The following SHOC2 variants were observed in gnomAD, a reference collection of about 807,000 sequenced individuals.
The protein encoded by SHOC2 is SHOC2 leucine rich repeat scaffold protein.
In SHOC2, 4 loss-of-function variants were observed where a neutral mutation model predicts 50.2. The ratio of observed to expected loss-of-function variants is 0.08; its 90% CI spans 0.04 to 0.18. The LOEUF is 0.18. Ranked by LOEUF, SHOC2 falls within the 10% of genes least tolerant of loss-of-function variation. The pLI is 1.00. For synonymous variants in SHOC2, 218 were observed against 244.5 expected, an observed-to-expected ratio of 0.89 and a Z score of 1.01; for missense variants, 388 against 669.6, an observed-to-expected ratio of 0.58 and a Z score of 4.64.
intron 3 of SHOC2, among the ~76,000 whole-genome samples, chr10:110,999,984 T>G (rs1442033316): frequency 1.3e-5 from 2 of 152,146 alleles, no homozygotes; most frequent in Non-Finnish European, 2.9e-5. Flanking sequence ...TTTAGAAATT[T>G]GGAAATTTCT....
At chr10:110,999,204 A>G (rs1274982062) in intron 3 of SHOC2, among the ~76,000 whole-genome samples, 1 of 152,232 alleles carries the variant, frequency 6.6e-6, no homozygotes, top group South Asian at 2.1e-4. Flanking sequence ...GGCCCATCCA[A>G]GTATCTCATA....
chr10:110,978,135 A>G (rs1847909578), intron 2 of SHOC2, among the ~76,000 whole-genome samples: 1 of 152,214 alleles, frequency 6.6e-6, no homozygotes, highest in Non-Finnish European at 1.5e-5. Flanking sequence ...ACCTGCCTCC[A>G]GGCAGTAACC....
intron 1 of SHOC2, among the ~76,000 whole-genome samples, chr10:110,921,651 A>T (rs1256681471): frequency 6.6e-6 from 1 of 152,186 alleles, no homozygotes; most frequent in African/African-American, 2.4e-5. Flanking sequence ...GTATCCCATC[A>T]TCTCAAGCAT....
At chr10:110,936,391 C>T (rs1361912934) in intron 1 of SHOC2, among the ~76,000 whole-genome samples, 1 of 152,016 alleles carries the variant, frequency 6.6e-6, no homozygotes, top group African/African-American at 2.4e-5. Context: ...GCGTGAGCCA[C>T]CGCACCCAGC....
intron 1 of SHOC2, among the ~76,000 whole-genome samples, chr10:110,962,469 C>CT (rs940367928): frequency 6.4e-4 from 96 of 151,080 alleles, no homozygotes; most frequent in Non-Finnish European, 1.1e-3. Context: ...TAATTTTTTT[C>CT]TTTTTTTTTG....
chr10:110,936,283 T>C (rs946912468), intron 1 of SHOC2, among the ~76,000 whole-genome samples: 1 of 151,622 alleles, frequency 6.6e-6, no homozygotes, highest in Non-Finnish European at 1.5e-5. Context: ...TTTTTTTTTT[T>C]AGTTGAGACG....
At chr10:110,999,287 T>G (rs1335698403) in intron 3 of SHOC2, among the ~76,000 whole-genome samples, 2 of 152,250 alleles carry the variant, frequency 1.3e-5, no homozygotes, top group East Asian at 3.8e-4. Context: ...ATGAAATTCT[T>G]GTCTTGTTAG....
chr10:111,004,349 T>C (rs1848431465), intron 4 of SHOC2, among the ~76,000 whole-genome samples: 2 of 152,168 alleles, frequency 1.3e-5, no homozygotes, highest in Non-Finnish European at 2.9e-5. Flanking sequence ...AGCCAAAGAA[T>C]AAAAATTGGG....
rs768558561 is a variant in SHOC2 at position 111,007,587 on chromosome 10, A to G, written c.1218A>G (p.Glu406=). 1 of 1,613,748 alleles carries G rather than the reference A, an allele frequency of 6.2e-7. No individual in the cohort carries two copies. The part of the protein sequence containing the change: ...LDFGTWTSMV[E]LNLATNQLTK... ...TTGGAACTTGGACCAGTATGGTAGA[A>G]TTGAATTTAGCCACTAATCAGCTCA... Residue 406 remains glutamate (E), a synonymous_variant, in exon 6 of 9, where the codon GAA becomes GAG. Transcript: ENST00000369452.
chr10:110,961,551 A>G (rs1847572072), intron 1 of SHOC2, among the ~76,000 whole-genome samples: 1 of 152,186 alleles, frequency 6.6e-6, no homozygotes, highest in African/African-American at 2.4e-5. Context: ...GTCAAGGTCA[A>G]AAGCTTTATT....
intron 1 of SHOC2, among the ~76,000 whole-genome samples, chr10:110,922,358 A>G (rs879306998): frequency 6.6e-6 from 1 of 152,112 alleles, no homozygotes; most frequent in Non-Finnish European, 1.5e-5. Flanking sequence ...TCTTTATTAT[A>G]CAGGTGGATA....
chr10:110,972,212 T>G (rs764904187), intron 2 of SHOC2, among the ~76,000 whole-genome samples: 2 of 151,602 alleles, frequency 1.3e-5, no homozygotes, highest in Non-Finnish European at 2.9e-5. Flanking sequence ...TACTTTATTT[T>G]AGTACAGCAT....
intron 1 of SHOC2, chr10:110,937,122 A>C: frequency 1.4e-6 from 2 of 1,472,466 alleles, no homozygotes; most frequent in Non-Finnish European, 1.9e-6. Flanking sequence ...ATGCCTTTGC[A>C]GCGTACGACC....
Position 110,960,821 on chromosome 10 carries a change from G to A in SHOC2, c.-234-3304G>A, listed in dbSNP as rs558071510. 4.3e-4 allele frequency among the ~76,000 whole-genome samples: 65 copies of A among 152,160 alleles called. No homozygotes were observed. In the East Asian group the frequency reaches 6.4e-3, roughly 15 times the overall value. On this transcript the variant is annotated intron_variant, in intron 1 of 8. Coordinates refer to ENST00000369452, the MANE Select transcript of SHOC2 (RefSeq NM_007373.4). ...CTCCCGACTAGCTGGGATTACAGGCGCCCGCCACCACGCCCGGCTAATTTT... is the reference window on the plus strand; with the variant it reads ...CTCCCGACTAGCTGGGATTACAGGCACCCGCCACCACGCCCGGCTAATTTT...
chr10:110,967,746 C>T (rs1847704005), intron 2 of SHOC2, among the ~76,000 whole-genome samples: 1 of 152,108 alleles, frequency 6.6e-6, no homozygotes, highest in Non-Finnish European at 1.5e-5. Flanking sequence ...CGACAGGTTT[C>T]TTTTAATTTG....
chr10:110,987,902 A>G (rs976083984), intron 3 of SHOC2, among the ~76,000 whole-genome samples: 1 of 152,174 alleles, frequency 6.6e-6, no homozygotes, highest in African/African-American at 2.4e-5. Context: ...GATGATCTCT[A>G]GGATAAATTA....
At chr10:110,951,485 AAAATT>A (rs1259457821) in intron 1 of SHOC2, 2 of 152,242 alleles carry the variant, frequency 1.3e-5, no homozygotes, top group Non-Finnish European at 2.9e-5. Context: ...GTTTCATAAA[AAAATT>A]AAAAAGAGAA....
intron 1 of SHOC2, among the ~76,000 whole-genome samples, chr10:110,923,405 T>C (rs1345576767): frequency 1.3e-5 from 2 of 152,126 alleles, no homozygotes; most frequent in Admixed American, 1.3e-4. Flanking sequence ...CTGGTTTTGT[T>C]TGGTATTTTC....
chr10:110,939,046 A>T (rs750969905), intron 1 of SHOC2, among the ~76,000 whole-genome samples: 25 of 152,116 alleles, frequency 1.6e-4, no homozygotes, highest in Non-Finnish European at 2.9e-4. Flanking sequence ...CTTTGGAACT[A>T]CTTTCTGTTA....
Sources: allele counts gnomAD v4.1 joint callset (sites outside exome capture counted in the v4.1 genomes callset), GRCh38; gene constraint gnomAD v4.1.1; transcripts MANE v1.5; gene names NCBI Gene and HGNC (gene_info 2026-07-23, HGNC 2026-07-21).